The following KMT2C variants were observed in gnomAD, a reference collection of about 807,000 sequenced individuals.
KMT2C encodes lysine methyltransferase 2C, also known as histone-lysine N-methyltransferase 2C.
A neutral mutation model predicts 507.9 loss-of-function variants in KMT2C; 88 were observed. The observed-to-expected ratio is 0.17, with a 90% CI of 0.15 to 0.21. KMT2C has a LOEUF of 0.21. KMT2C is among the 10% of genes least tolerant of loss of function. KMT2C has a pLI of 1.00. For missense variants in KMT2C, 4,954 were observed against 5,957.8 expected (o/e 0.83, Z 5.55); for synonymous variants, 2,049 against 2,080.8 (o/e 0.98, Z 0.42).
chr7:152,308,673 CAAAAAAA>C (rs938826373), intron 6 of KMT2C, among the ~76,000 whole-genome samples: 36 of 24,566 alleles, frequency 1.5e-3, no homozygotes, highest in African/African-American at 4.9e-3. Flanking sequence ...AAACTCCTCT[CAAAAAAA>C]AAAAAAAAAA....
At chr7:152,291,904 C>CAG (rs1168729025) in intron 6 of KMT2C, among the ~76,000 whole-genome samples, 1 of 152,188 alleles carries the variant, frequency 6.6e-6, no homozygotes, top group Non-Finnish European at 1.5e-5. Flanking sequence ...ATTTAATTAA[C>CAG]TACTGTTGGT....
chr7:152,192,037 GAAA>G (rs1295068434), intron 31 of KMT2C, among the ~76,000 whole-genome samples: 1 of 99,750 alleles, frequency 1.0e-5, no homozygotes, highest in South Asian at 3.1e-4. Flanking sequence ...CCTTGCAAAA[GAAA>G]AAAAAAAAAA....
At position 152,143,237 on chromosome 7, in the gene KMT2C, C is replaced by CA. The variant is rs201837415; in HGVS notation, c.14343+1475dup. Among the ~76,000 whole-genome samples the CA allele has an allele frequency of 3.7e-4, 57 of 152,320 alleles. No individual in the cohort carries two copies. In the East Asian group the frequency reaches 0.011, roughly 29 times the overall value. Reference sequence around the variant, plus strand: ...GAGAGGGGCAACAGCAGAGAAAACACAGATACTCCACTCATAATGTAAAAA... The same window carrying CA: ...GAGAGGGGCAACAGCAGAGAAAACACAAGATACTCCACTCATAATGTAAAAA... On this transcript the variant is annotated intron_variant, in intron 55 of 58. Transcript: ENST00000262189.
chr7:152,283,411 A>G (rs1300036777), intron 6 of KMT2C, among the ~76,000 whole-genome samples: 2 of 152,148 alleles, frequency 1.3e-5, no homozygotes, highest in Non-Finnish European at 2.9e-5. Flanking sequence ...AGTTGGATAC[A>G]CTTAAATCAT....
intron 3 of KMT2C, among the ~76,000 whole-genome samples, chr7:152,320,018 G>A (rs1234764254): frequency 6.6e-6 from 1 of 152,094 alleles, no homozygotes. Context: ...CGTCTTGGTG[G>A]TAGTGGTCCC....
chr7:152,150,919 G>C lies in KMT2C; in HGVS notation c.12755C>G (p.Ala4252Gly), dbSNP rs537579296. 1.9e-6 allele frequency: 3 copies of C among 1,609,854 alleles called. No homozygotes were observed. Among genetic ancestry groups the C allele is most frequent in the Non-Finnish European group, 2.5e-6 (3 of 1,176,682 alleles). ...CFILYSSTAQ[A>G]KNSENKESIP... ...TCTCACCTTGTTTTCTGAGTTTTTC[G>C]CTTGTGCAGTTGATGAATAAAGAAT... The change falls in exon 51 of 59, where the codon GCG becomes GGG. Residue 4252 changes from alanine (A) to glycine (G), a missense_variant. Coordinates refer to ENST00000262189, the MANE Select transcript of KMT2C (RefSeq NM_170606.3).
chr7:152,143,625 A>T (rs2090821905), intron 55 of KMT2C, among the ~76,000 whole-genome samples: 1 of 152,248 alleles, frequency 6.6e-6, no homozygotes. Flanking sequence ...AACTTGCAAA[A>T]GAATGAATAC....
rs368295521 is a variant in KMT2C, at chr7:152,171,007, T to C, written c.9453+257A>G. On this transcript the variant is annotated intron_variant, in intron 40 of 58. Coordinates refer to ENST00000262189, the MANE Select transcript of KMT2C (RefSeq NM_170606.3). ...AAATCACAGCCAATTTTTTTAACCT[T>C]AATTTGTCTTTTGTTTAAAAAGCAG... Among the ~76,000 whole-genome samples, 29 of 152,344 alleles carry C rather than the reference T, an allele frequency of 1.9e-4. No homozygotes were observed. In the East Asian group the frequency reaches 2.5e-3, roughly 13 times the overall value.
chr7:152,157,311 G>C (rs1037639566), intron 44 of KMT2C, among the ~76,000 whole-genome samples: 3 of 145,036 alleles, frequency 2.1e-5, no homozygotes, highest in Non-Finnish European at 4.5e-5. Flanking sequence ...CTGGGTGACA[G>C]AGCGAGACCC....
intron 1 of KMT2C, among the ~76,000 whole-genome samples, chr7:152,415,083 C>T (rs1182823808): frequency 6.6e-6 from 1 of 152,016 alleles, no homozygotes; most frequent in Non-Finnish European, 1.5e-5. Flanking sequence ...TGAGCTCAAG[C>T]TATCAGCCTG....
rs1002387857 is a variant in KMT2C, at chr7:152,352,411, T to G, written c.250+6176A>C. 2.2e-4 allele frequency among the ~76,000 whole-genome samples: 33 copies of G among 152,156 alleles called. 1 individual carries two copies. The highest frequency in any genetic ancestry group is 4.1e-4 in the Non-Finnish European group (28 of 68,032). ...CTTCATTTGCCTTGTGATATTCTAT[T>G]ACCTTGTGAAGCACGTGATCTCTGT... On this transcript the variant is annotated intron_variant, in intron 2 of 58. Transcript: ENST00000262189.
chr7:152,235,043 A>T (rs1185970418), intron 16 of KMT2C, among the ~76,000 whole-genome samples: 2 of 152,196 alleles, frequency 1.3e-5, no homozygotes, highest in African/African-American at 4.8e-5. Flanking sequence ...CAAAAAGTGT[A>T]CAGTTCTGTA....
chr7:152,140,486 T>C (rs1205756245), intron 55 of KMT2C, among the ~76,000 whole-genome samples: 1 of 152,206 alleles, frequency 6.6e-6, no homozygotes, highest in Non-Finnish European at 1.5e-5. Context: ...GTAGCACAAC[T>C]TGTAGAGAAA....
rs1244739072 is a variant in KMT2C at position 152,199,479 on chromosome 7, T to C, written c.4093-20A>G. 7 of 1,472,392 alleles carry C rather than the reference T, an allele frequency of 4.8e-6. No homozygotes were observed. Among genetic ancestry groups the C allele is most frequent in the African/African-American group, 1.5e-5 (1 of 64,746 alleles). The allele number at this position is 1,472,392 out of a possible 1,614,324, so 91.2% of individuals were successfully genotyped here. On this transcript the variant is annotated intron_variant, in intron 26 of 58. Transcript: ENST00000262189. ...AGCTTCCTAGATGAAGATAAGCACA[T>C]ACAAAAATGGTTAGAAAATTCTAAA... is the stretch of plus-strand genomic sequence containing the variant.
chr7:152,148,302 C>T lies in KMT2C; in HGVS notation c.13625G>A (p.Gly4542Glu), dbSNP rs1472448663. The change falls in exon 52 of 59, where the codon GGA becomes GAA. Residue 4542 changes from glycine (G) to glutamate (E), a missense_variant. By Grantham distance (98) the Gly-to-Glu change is moderately conservative (BLOSUM62 -2). Around this residue, in one of 29 missense-constraint regions of KMT2C, gnomAD observed 221 missense variants for 304.7 expected, o/e 0.73. Transcript: ENST00000262189. This position sits in a 1 kb window ranked among gnomAD's most constrained non-coding sequence, Gnocchi z 7.1. ...VRQIASIVQR[G>E]ERDHTFRVGS... ...CACGCGAAAGGTATGGTCCCGTTCT[C>T]CTCGTTGCACGATGCTAGCAATCTG... The T allele has an allele frequency of 1.2e-6, 2 of 1,614,122 alleles. No homozygotes were observed. Among genetic ancestry groups the T allele is most frequent in the South Asian group, 2.2e-5 (2 of 91,090 alleles).
chr7:152,308,650 G>C (rs1288113480), intron 6 of KMT2C, among the ~76,000 whole-genome samples: 2 of 113,518 alleles, frequency 1.8e-5, no homozygotes, highest in East Asian at 5.5e-4. Flanking sequence ...ACTCCAGCCT[G>C]CACAACACAG....
intron 33 of KMT2C, 140 bp downstream of exon 33, chr7:152,187,122 A>C (rs1175060133): frequency 3.0e-6 from 2 of 657,582 alleles, no homozygotes; most frequent in Non-Finnish European, 5.3e-6. Context: ...AGATGTTTCT[A>C]GACATCTAGG....
chr7:152,297,042 A>AC (rs1319077022), intron 6 of KMT2C, among the ~76,000 whole-genome samples: 2 of 102,192 alleles, frequency 2.0e-5, no homozygotes, highest in African/African-American at 4.7e-5. Flanking sequence ...AGAAAGAAAG[A>AC]AAGAAAGAAA....
At chr7:152,314,497 C>T (rs573543695) in intron 4 of KMT2C, among the ~76,000 whole-genome samples, 9 of 151,688 alleles carry the variant, frequency 5.9e-5, no homozygotes, top group African/African-American at 1.9e-4. Flanking sequence ...TTACAATGTG[C>T]CCGTGAATAC....
Sources: allele counts gnomAD v4.1 joint callset (sites outside exome capture counted in the v4.1 genomes callset), GRCh38; gene constraint gnomAD v4.1.1; regional missense constraint gnomAD v4.1.1; non-coding constraint Gnocchi (gnomAD v3.1); transcripts MANE v1.5; gene names NCBI Gene and HGNC (gene_info 2026-07-23, HGNC 2026-07-21).